The following ABCG1 variants were observed in gnomAD, a reference collection of about 807,000 sequenced individuals.
ABCG1 encodes ATP binding cassette subfamily G member 1, also known as ATP-binding cassette sub-family G member 1.
A neutral mutation model predicts 69.2 loss-of-function variants in ABCG1; 29 were observed. The observed-to-expected ratio is 0.42, with a 90% CI of 0.31 to 0.57. The LOEUF is 0.57. Ranked by LOEUF, ABCG1 falls within the 20% of genes least tolerant of loss-of-function variation. ABCG1 has a pLI of 0.15. For missense variants in ABCG1, 718 were observed against 898.1 expected, an observed-to-expected ratio of 0.80 and a Z score of 2.56; for synonymous variants, 370 against 374.8, an observed-to-expected ratio of 0.99 and a Z score of 0.15.
rs2068657073 is a variant in ABCG1 at position 42,273,578 on chromosome 21, C to G, written c.537+143C>G. ...CCTGCACAGGGCCAGCAACCTCCCT[C>G]TAGCGGAGTTCTAACACCAGACTCG... On this transcript the variant is annotated intron_variant, in intron 4 of 14. Transcript: ENST00000398449. This position sits in a 1 kb window ranked among gnomAD's most constrained non-coding sequence, Gnocchi z 5.3. 1.1e-6 allele frequency: 1 copy of G among 932,746 alleles called. No individual in the cohort carries two copies. The highest frequency in any genetic ancestry group is 2.9e-5 in the Admixed American group (1 of 34,686). The allele number at this position is 932,746 out of a possible 1,614,324, so 57.8% of individuals were successfully genotyped here.
chr21:42,234,670 C>A (rs560284546), intron 2 of ABCG1, among the ~76,000 whole-genome samples: 44 of 152,358 alleles, frequency 2.9e-4, no homozygotes, highest in Middle Eastern at 3.4e-3. Flanking sequence ...CGCAGGCTCT[C>A]CATACTGAGT....
intron 2 of ABCG1, 78 bp downstream of exon 2, chr21:42,225,992 G>A: frequency 6.5e-7 from 1 of 1,535,924 alleles, no homozygotes; most frequent in Non-Finnish European, 8.8e-7. Context: ...GGCAAAATCG[G>A]GGTCTGGAGG....
At position 42,286,204 on chromosome 21, in the gene ABCG1, C is replaced by T. The variant is rs561655615; in HGVS notation, c.973+210C>T. 13 of 532,106 alleles carry T rather than the reference C, an allele frequency of 2.4e-5. No homozygotes were observed. The East Asian group carries it at 3.3e-4, about 14-fold the overall frequency. The allele number at this position is 532,106 out of a possible 1,614,324, so 33.0% of individuals were successfully genotyped here. On this transcript the variant is annotated intron_variant, in intron 8 of 14. Transcript: ENST00000398449. ...AAATCATCTGGCCAGCCTGTCTCTG[C>T]CTCTCTCCTGTCTCCATGTCCTAAT...
intron 2 of ABCG1, among the ~76,000 whole-genome samples, chr21:42,244,752 C>T (rs2123616177): frequency 6.6e-6 from 1 of 152,320 alleles, no homozygotes; most frequent in East Asian, 1.9e-4. Context: ...GTTTACATGA[C>T]ATCCATTTCC....
Position 42,227,748 on chromosome 21 carries a change from G to A in ABCG1, c.286+1834G>A, listed in dbSNP as rs115324215. Among the ~76,000 whole-genome samples the A allele has an allele frequency of 8.3e-3, 1,267 of 152,258 alleles. 20 individuals carry two copies. The highest frequency in any genetic ancestry group is 0.029 in the African/African-American group (1,209 of 41,532). ...AAGAGGTTTAATTGGCTCACAGTTTGGCATGGTTGGGGAGGGCTCAGGAAA... is the reference window on the plus strand; with the variant it reads ...AAGAGGTTTAATTGGCTCACAGTTTAGCATGGTTGGGGAGGGCTCAGGAAA... On this transcript the variant is annotated intron_variant, in intron 2 of 14. Transcript: ENST00000398449.
intron 2 of ABCG1, among the ~76,000 whole-genome samples, chr21:42,238,252 GC>G (rs1409236653): frequency 6.6e-6 from 1 of 152,148 alleles, no homozygotes; most frequent in Non-Finnish European, 1.5e-5. Context: ...AGATGCTGTG[GC>G]CGGAAGCAGT....
In ABCG1 at chr21:42,225,701, G is replaced by C. The variant is rs1179582510; in HGVS notation, c.73G>C (p.Glu25Gln). Residue 25 changes from glutamate to glutamine, a missense_variant, in exon 2 of 15, where the codon GAG becomes CAG. This residue lies in a region of ABCG1 where 514 missense variants were observed against 574.3 expected (regional missense o/e 0.90). Transcript: ENST00000398449. ...NASSYSAEMT[E>Q]PKSVCVSVDE... ...CAGCAGTTACTCTGCAGAGATGACGGAGCCCAAGTCGGTGTGTGTCTCGGT... is the reference window on the plus strand; with the variant it reads ...CAGCAGTTACTCTGCAGAGATGACGCAGCCCAAGTCGGTGTGTGTCTCGGT... 2 of 1,613,474 alleles carry C rather than the reference G, an allele frequency of 1.2e-6. No homozygotes were observed. The highest frequency in any genetic ancestry group is 3.3e-5 in the Admixed American group (2 of 59,984).
Position 42,265,237 on chromosome 21 carries a change from G to T in ABCG1, c.287-5833G>T, listed in dbSNP as rs567075579. Among the ~76,000 whole-genome samples, 293 of 152,346 alleles carry T rather than the reference G, an allele frequency of 1.9e-3. 1 individual carries two copies. Among genetic ancestry groups the T allele is most frequent in the African/African-American group, 6.9e-3 (287 of 41,570 alleles). On this transcript the variant is annotated intron_variant, in intron 2 of 14. Transcript: ENST00000398449. ...CCTGGAGGCTGCATCCAGTGCAGCA[G>T]CCCCGGGTGACGCTTTCTCCCTAGC...
rs577783051 is a variant in ABCG1, at chr21:42,287,539, C to T, written c.974-350C>T. Reference sequence around the variant, plus strand: ...AGGAGTCCCTCAGGGAGGAGTCCTTCGTTCTGCTCCCTTCCCAGCTCCACC... The same window carrying T: ...AGGAGTCCCTCAGGGAGGAGTCCTTTGTTCTGCTCCCTTCCCAGCTCCACC... On this transcript the variant is annotated intron_variant, in intron 8 of 14. Transcript: ENST00000398449. The surrounding 1 kb of genome is among the most constrained non-coding windows in gnomAD (Gnocchi z 6.2). Among the ~76,000 whole-genome samples, 6 of 152,340 alleles carry T rather than the reference C, an allele frequency of 3.9e-5. No homozygotes were observed. The South Asian group carries it at 1.0e-3, about 26-fold the overall frequency.
At chr21:42,261,910 C>T (rs548010318) in intron 2 of ABCG1, among the ~76,000 whole-genome samples, 1 of 152,320 alleles carries the variant, frequency 6.6e-6, no homozygotes, top group African/African-American at 2.4e-5. Flanking sequence ...GGTCCCAGCC[C>T]AGCCCAGTGC....
At chr21:42,285,234 T>A (rs940961260) in intron 7 of ABCG1, among the ~76,000 whole-genome samples, 3 of 152,094 alleles carry the variant, frequency 2.0e-5, no homozygotes, top group Admixed American at 6.5e-5. Flanking sequence ...ACAGTGGCTG[T>A]CCCCTGTAAT....
At chr21:42,235,801 A>G (rs1451068850) in intron 2 of ABCG1, among the ~76,000 whole-genome samples, 1 of 152,184 alleles carries the variant, frequency 6.6e-6, no homozygotes, top group African/African-American at 2.4e-5. Context: ...TGTTAATGTT[A>G]CAGGCTACGA....
intron 2 of ABCG1, among the ~76,000 whole-genome samples, chr21:42,235,725 C>T (rs1254971381): frequency 6.6e-6 from 1 of 152,110 alleles, no homozygotes; most frequent in Non-Finnish European, 1.5e-5. Context: ...GATGAGGCCT[C>T]CAGGCAGCAG....
Position 42,291,448 on chromosome 21 carries a change from G to T in ABCG1, c.1495-50G>T. On this transcript the variant is annotated intron_variant, in intron 12 of 14. Transcript: ENST00000398449. This position sits in a 1 kb window ranked among gnomAD's most constrained non-coding sequence, Gnocchi z 6.4. ...TGCCCAGGAGCTTTGCTGTTGGCCTGCTGTGGTGGGAAGCGGCTGAGCCCG... is the reference window on the plus strand; with the variant it reads ...TGCCCAGGAGCTTTGCTGTTGGCCTTCTGTGGTGGGAAGCGGCTGAGCCCG... 6.3e-7 allele frequency: 1 copy of T among 1,577,578 alleles called. No individual in the cohort carries two copies.
chr21:42,237,197 T>G (rs187753005), intron 2 of ABCG1, among the ~76,000 whole-genome samples: 359 of 152,356 alleles, frequency 2.4e-3, no homozygotes, highest in African/African-American at 8.0e-3. Flanking sequence ...TCTTGAGAAC[T>G]ATACCTCAAT....
At chr21:42,281,755 G>C (rs916817258) in intron 5 of ABCG1, among the ~76,000 whole-genome samples, 8 of 152,084 alleles carry the variant, frequency 5.3e-5, no homozygotes, top group Non-Finnish European at 8.8e-5. Flanking sequence ...AGAGTGCTGG[G>C]AACAGCCCCC....
intron 2 of ABCG1, among the ~76,000 whole-genome samples, chr21:42,247,925 C>T (rs375578859): frequency 7.9e-5 from 12 of 152,160 alleles, no homozygotes; most frequent in Non-Finnish European, 1.6e-4. Context: ...AGGACCCTCC[C>T]CTGGAGCCTC....
intron 6 of ABCG1, among the ~76,000 whole-genome samples, chr21:42,284,294 C>CTCTGTCCCGCCTGGAT (rs2068894132): frequency 1.3e-5 from 2 of 150,404 alleles, no homozygotes; most frequent in African/African-American, 5.0e-5. Flanking sequence ...GACCCCCCCC[C>CTCTGTCCCGCCTGGAT]AGTCCTGGAC....
At chr21:42,240,892 G>A (rs184047445) in intron 2 of ABCG1, among the ~76,000 whole-genome samples, 21 of 152,394 alleles carry the variant, frequency 1.4e-4, no homozygotes, top group Non-Finnish European at 2.9e-5. Flanking sequence ...AGAGTAAACA[G>A]CGTGACCAGC....
Sources: allele counts gnomAD v4.1 joint callset (sites outside exome capture counted in the v4.1 genomes callset), GRCh38; gene constraint gnomAD v4.1.1; regional missense constraint gnomAD v4.1.1; non-coding constraint Gnocchi (gnomAD v3.1); transcripts MANE v1.5; gene names NCBI Gene and HGNC (gene_info 2026-07-23, HGNC 2026-07-21).